TSPAN5: variants seen among roughly 807,000 people sequenced by gnomAD.
TSPAN5 encodes tetraspanin-5.
In TSPAN5, 10 loss-of-function variants were observed where a neutral mutation model predicts 37.1. The observed-to-expected ratio is 0.27, with a 90% confidence interval of 0.17 to 0.46. The LOEUF (loss-of-function observed/expected upper bound fraction) is 0.46, where lower values mean the gene tolerates loss of function less well. Among genes scored for constraint, TSPAN5 ranks in the 20% least tolerant of loss-of-function variants. TSPAN5 has a pLI of 1.00. For missense variants in TSPAN5, 195 were observed against 326.6 expected, an observed-to-expected ratio of 0.60 and a Z score of 3.11; for synonymous variants, 110 against 118.9, an observed-to-expected ratio of 0.93 and a Z score of 0.48.
At chr4:98,611,436 C>T (rs563864009) in intron 1 of TSPAN5, among the ~76,000 whole-genome samples, 11 of 152,274 alleles carry the variant, frequency 7.2e-5, no homozygotes, top group Non-Finnish European at 1.6e-4. Context: ...AGGCAGCACA[C>T]ACTGGTGGGA....
At chr4:98,537,347 T>C (rs749645059) in intron 1 of TSPAN5, among the ~76,000 whole-genome samples, 6 of 152,150 alleles carry the variant, frequency 3.9e-5, no homozygotes, top group Non-Finnish European at 5.9e-5. Flanking sequence ...CCCAGTGAGA[T>C]GAACCGGGCA....
At chr4:98,531,676 C>T (rs946547952) in intron 1 of TSPAN5, among the ~76,000 whole-genome samples, 1 of 152,204 alleles carries the variant, frequency 6.6e-6, no homozygotes, top group Non-Finnish European at 1.5e-5. Context: ...TTTACACTCC[C>T]ACCAACAGTG....
At chr4:98,656,926 C>A (rs1452983873) in intron 1 of TSPAN5, among the ~76,000 whole-genome samples, 1 of 152,186 alleles carries the variant, frequency 6.6e-6, no homozygotes, top group Non-Finnish European at 1.5e-5. Flanking sequence ...AAGGAGAATT[C>A]AAATAAATAC....
intron 5 of TSPAN5, among the ~76,000 whole-genome samples, chr4:98,477,726 A>C (rs969839951): frequency 2.0e-5 from 3 of 150,240 alleles, no homozygotes; most frequent in African/African-American, 4.9e-5. Context: ...CAGTGGCATG[A>C]TCATGGCTCA....
chr4:98,562,874 G>C (rs931697419), intron 1 of TSPAN5, among the ~76,000 whole-genome samples: 3 of 152,090 alleles, frequency 2.0e-5, no homozygotes, highest in African/African-American at 7.2e-5. Context: ...TGTTACACTT[G>C]GGATGCTTTA....
At chr4:98,590,685 G>T (rs1755606256) in intron 1 of TSPAN5, among the ~76,000 whole-genome samples, 1 of 151,404 alleles carries the variant, frequency 6.6e-6, no homozygotes, top group Non-Finnish European at 1.5e-5. Context: ...ACTCCAGCCT[G>T]GGCGACAGAG....
chr4:98,532,472 C>A (rs1236161115), intron 1 of TSPAN5, among the ~76,000 whole-genome samples: 1 of 152,158 alleles, frequency 6.6e-6, no homozygotes, highest in East Asian at 1.9e-4. Flanking sequence ...GGAGTTCACT[C>A]ATGATTTGGC....
At chr4:98,575,972 G>C (rs191932301) in intron 1 of TSPAN5, among the ~76,000 whole-genome samples, 2 of 152,086 alleles carry the variant, frequency 1.3e-5, no homozygotes, top group Admixed American at 1.3e-4. Context: ...GGGAGGCTGA[G>C]GCAGGAGAAT....
At chr4:98,624,334 T>C (rs1274517442) in intron 1 of TSPAN5, among the ~76,000 whole-genome samples, 1 of 151,920 alleles carries the variant, frequency 6.6e-6, no homozygotes, top group Non-Finnish European at 1.5e-5. Flanking sequence ...GGAACTGTTA[T>C]GAGAGCTTTT....
At chr4:98,581,050 G>A (rs1280358360) in intron 1 of TSPAN5, among the ~76,000 whole-genome samples, 1 of 151,730 alleles carries the variant, frequency 6.6e-6, no homozygotes, top group East Asian at 1.9e-4. Context: ...AATATAAAGG[G>A]GAAAAAAAAA....
intron 1 of TSPAN5, among the ~76,000 whole-genome samples, chr4:98,633,276 T>C (rs138194346): frequency 2.0e-5 from 3 of 152,190 alleles, no homozygotes; most frequent in African/African-American, 4.8e-5. Flanking sequence ...TAAAATGAAA[T>C]GCAAACACTA....
At chr4:98,515,713 G>A (rs143307698) in intron 1 of TSPAN5, among the ~76,000 whole-genome samples, 17 of 151,914 alleles carry the variant, frequency 1.1e-4, no homozygotes, top group Non-Finnish European at 2.4e-4. Context: ...GGCAGCATCC[G>A]GCCTCCCATT....
intron 1 of TSPAN5, among the ~76,000 whole-genome samples, chr4:98,573,895 T>C (rs1446186704): frequency 1.3e-5 from 2 of 152,030 alleles, no homozygotes; most frequent in African/African-American, 2.4e-5. Context: ...ATGGTACAAG[T>C]GGATCATTAA....
At chr4:98,484,733 A>C in intron 3 of TSPAN5, 1 of 372,514 alleles carries the variant, frequency 2.7e-6, no homozygotes, top group Admixed American at 3.6e-5. Context: ...AGGCTGAGCA[A>C]GGTGGATCAC....
Position 98,486,760 on chromosome 4 carries a change from T to C in TSPAN5, c.257A>G (p.Glu86Gly). Residue 86 changes from glutamate (E) to glycine (G), a missense_variant, in exon 3 of 8, where the codon GAA becomes GGA. Physicochemically the swap from Glu to Gly is moderately conservative, Grantham distance 98 (BLOSUM62 -2). Transcript: ENST00000305798. ...GFAGCIGALRENTFLLKFFSV... is the reference protein window; with the variant it reads ...GFAGCIGALRGNTFLLKFFSV... ...TACAAACTTGAGAAGGAAAGTGTTTTCCCGTAGCGCTCCAATGCACCCTGC... is the reference window on the plus strand; with the variant it reads ...TACAAACTTGAGAAGGAAAGTGTTTCCCCGTAGCGCTCCAATGCACCCTGC... 6.2e-7 allele frequency: 1 copy of C among 1,614,100 alleles called. No homozygotes were observed. Among genetic ancestry groups the C allele is most frequent in the Non-Finnish European group, 8.5e-7 (1 of 1,180,016 alleles).
At chr4:98,500,693 T>C (rs1391274151) in intron 2 of TSPAN5, among the ~76,000 whole-genome samples, 1 of 152,162 alleles carries the variant, frequency 6.6e-6, no homozygotes, top group East Asian at 1.9e-4. Context: ...AAAAGTGGTA[T>C]TTTTTTCCTG....
At chr4:98,609,262 G>T (rs985009123) in intron 1 of TSPAN5, among the ~76,000 whole-genome samples, 1 of 131,866 alleles carries the variant, frequency 7.6e-6, no homozygotes, top group Non-Finnish European at 1.7e-5. Context: ...TATTTAGGTC[G>T]GATTTGCTGG....
At position 98,607,148 on chromosome 4, in the gene TSPAN5, T is replaced by A. The variant is rs190355924; in HGVS notation, c.81+50998A>T. ...GTCATTTCCTGAAGGAAAGCACCTG[T>A]CACCCTCCTCATTTTCCCCGCTCTG... On this transcript the variant is annotated intron_variant, in intron 1 of 7. Transcript: ENST00000305798. 4.9e-4 allele frequency among the ~76,000 whole-genome samples: 74 copies of A among 152,336 alleles called. 1 individual carries two copies. The highest frequency in any genetic ancestry group is 1.7e-3 in the African/African-American group (71 of 41,574).
chr4:98,617,525 A>T (rs1414122364), intron 1 of TSPAN5, among the ~76,000 whole-genome samples: 1 of 152,178 alleles, frequency 6.6e-6, no homozygotes, highest in African/African-American at 2.4e-5. Flanking sequence ...ACTGCTCTAC[A>T]CAAGCCAGAA....
Sources: gnomAD v4.1 joint callset for allele counts (sites outside exome capture counted in the v4.1 genomes callset) on GRCh38, gnomAD v4.1.1 for gene constraint, MANE v1.5 for transcripts, NCBI Gene and HGNC (gene_info 2026-07-23, HGNC 2026-07-21) for gene names.